NRCAM: variants seen among roughly 807,000 people sequenced by gnomAD.
NRCAM encodes the protein NgCAM-related cell adhesion molecule.
In NRCAM, 83 loss-of-function variants were observed where a neutral mutation model predicts 156.5. The ratio of observed to expected loss-of-function variants is 0.53; its 90% CI spans 0.44 to 0.64. NRCAM has a LOEUF of 0.64. NRCAM is among the 30% of genes least tolerant of loss of function. NRCAM has a pLI of 0.00. For missense variants in NRCAM, 1,417 were observed against 1,597.3 expected (o/e 0.89, Z 1.92); for synonymous variants, 538 against 563.9 (o/e 0.95, Z 0.65).
intron 3 of NRCAM, among the ~76,000 whole-genome samples, chr7:108,294,337 G>A (rs767219530): frequency 5.2e-4 from 79 of 150,990 alleles, no homozygotes; most frequent in Middle Eastern, 3.4e-3. Context: ...TAACTGCTTC[G>A]AATCTGGGGA....
At chr7:108,247,147 C>T (rs2095995020) in intron 3 of NRCAM, among the ~76,000 whole-genome samples, 1 of 152,156 alleles carries the variant, frequency 6.6e-6, no homozygotes, top group Non-Finnish European at 1.5e-5. Context: ...CTACATGCAA[C>T]AGAAGAACCA....
chr7:108,285,530 C>T (rs2098061316), intron 3 of NRCAM, among the ~76,000 whole-genome samples: 1 of 152,104 alleles, frequency 6.6e-6, no homozygotes, highest in Admixed American at 6.6e-5. Context: ...ATGGATTTCC[C>T]AAGGATAACA....
At chr7:108,248,791 G>T (rs574424159) in intron 3 of NRCAM, among the ~76,000 whole-genome samples, 40 of 152,266 alleles carry the variant, frequency 2.6e-4, no homozygotes, top group African/African-American at 9.1e-4. Flanking sequence ...AGAGAGTCTG[G>T]GAAATGCTGG....
rs75571366 is a variant in NRCAM, at chr7:108,168,289, C to T, written c.3301G>A (p.Gly1101Ser). 6.3e-7 allele frequency: 1 copy of T among 1,581,318 alleles called. No individual in the cohort carries two copies. The highest frequency in any genetic ancestry group is 1.4e-5 in the African/African-American group (1 of 73,390). Residue 1101 changes from glycine (G) to serine (S), a missense_variant, in exon 29 of 33, where the codon GGT (glycine) becomes AGT (serine). By Grantham distance (56) the Gly-to-Ser change is moderately conservative (BLOSUM62 0). Around this residue, in one of 2 missense-constraint regions of NRCAM, gnomAD observed 179 missense variants for 260.9 expected, o/e 0.69. Coordinates refer to ENST00000379028, the MANE Select transcript of NRCAM (RefSeq NM_001037132.4). Reference sequence around the variant, plus strand: ...AATTGTTTCTTACTGCCTGCTACACCATATTCAACATAAAAGTTCACATGC... The same window carrying T: ...AATTGTTTCTTACTGCCTGCTACACTATATTCAACATAAAAGTTCACATGC... ...PEHVNFYVEYGVAGSKEEWRK... is the reference protein window; with the variant it reads ...PEHVNFYVEYSVAGSKEEWRK...
At chr7:108,313,026 T>C (rs954488898) in intron 2 of NRCAM, among the ~76,000 whole-genome samples, 15 of 152,216 alleles carry the variant, frequency 9.9e-5, no homozygotes, top group African/African-American at 3.6e-4. Flanking sequence ...GGTGTTTTTG[T>C]AATGTATCTA....
chr7:108,339,742 ACGACTAATGCTCGT>A (rs2099253225), intron 2 of NRCAM, among the ~76,000 whole-genome samples: 1 of 152,180 alleles, frequency 6.6e-6, no homozygotes, highest in Non-Finnish European at 1.5e-5. Context: ...AGGACGCTCT[ACGACTAATGCTCGT>A]CGGAAAATGA....
intron 3 of NRCAM, among the ~76,000 whole-genome samples, chr7:108,297,054 C>A (rs1382192735): frequency 1.3e-5 from 2 of 152,140 alleles, no homozygotes; most frequent in Non-Finnish European, 1.5e-5. Context: ...TGTGTCAGTG[C>A]CAGGCATTAG....
chr7:108,176,758 C>T (rs911262703), intron 26 of NRCAM, 152 bp from the exon 27 acceptor site: 1 of 604,642 alleles, frequency 1.7e-6, no homozygotes, highest in Non-Finnish European at 2.9e-6. Flanking sequence ...TAAGTGATAA[C>T]CTTTTAACAG....
At chr7:108,327,976 T>C (rs1004657372) in intron 2 of NRCAM, among the ~76,000 whole-genome samples, 2 of 152,090 alleles carry the variant, frequency 1.3e-5, no homozygotes, top group African/African-American at 4.8e-5. Context: ...AATATGAAAA[T>C]GGTCTGTGAG....
intron 2 of NRCAM, among the ~76,000 whole-genome samples, chr7:108,317,884 G>A (rs369309928): frequency 1.3e-5 from 2 of 149,604 alleles, no homozygotes; most frequent in African/African-American, 2.5e-5. Context: ...ACTCTAGCCT[G>A]GGTGACAGAG....
At chr7:108,447,761 T>C (rs138671855) in intron 1 of NRCAM, among the ~76,000 whole-genome samples, 1 of 152,346 alleles carries the variant, frequency 6.6e-6, no homozygotes, top group East Asian at 1.9e-4. Context: ...TCATATTTCA[T>C]TTTTGTAAGG....
chr7:108,362,519 T>TA (rs2099563241), intron 2 of NRCAM, among the ~76,000 whole-genome samples: 1 of 152,250 alleles, frequency 6.6e-6, no homozygotes, highest in Non-Finnish European at 1.5e-5. Context: ...AATCTTAACA[T>TA]ACAGTTTGTT....
intron 13 of NRCAM, among the ~76,000 whole-genome samples, chr7:108,204,711 T>C (rs1216438366): frequency 1.3e-5 from 2 of 152,174 alleles, no homozygotes; most frequent in East Asian, 3.9e-4. Flanking sequence ...CCTGGATCTA[T>C]AGGAGCTATG....
chr7:108,192,183 T>C (rs1449650864), intron 17 of NRCAM, among the ~76,000 whole-genome samples: 1 of 151,026 alleles, frequency 6.6e-6, no homozygotes, highest in Non-Finnish European at 1.5e-5. Flanking sequence ...CTCTAGAGGG[T>C]GTGGTAGGAG....
At chr7:108,295,715 AT>A (rs1176514745) in intron 3 of NRCAM, among the ~76,000 whole-genome samples, 4 of 152,222 alleles carry the variant, frequency 2.6e-5, no homozygotes, top group Non-Finnish European at 4.4e-5. Context: ...CAAGACTCAC[AT>A]TGTCTAAGTT....
intron 2 of NRCAM, among the ~76,000 whole-genome samples, chr7:108,345,416 A>C (rs981256182): frequency 6.6e-6 from 1 of 152,250 alleles, no homozygotes; most frequent in African/African-American, 2.4e-5. Context: ...CAGGCATATC[A>C]TTACAAAATA....
chr7:108,321,117 C>T (rs2098996242), intron 2 of NRCAM, among the ~76,000 whole-genome samples: 1 of 152,156 alleles, frequency 6.6e-6, no homozygotes, highest in Non-Finnish European at 1.5e-5. Flanking sequence ...ATCTTTTAAC[C>T]ACACTGTCAT....
intron 2 of NRCAM, among the ~76,000 whole-genome samples, chr7:108,351,557 A>G (rs2099412805): frequency 6.6e-6 from 1 of 152,192 alleles, no homozygotes; most frequent in Non-Finnish European, 1.5e-5. Flanking sequence ...TGAGTATAAG[A>G]TTTGGGATAG....
At chr7:108,283,768 T>C (rs1288594910) in intron 3 of NRCAM, among the ~76,000 whole-genome samples, 3 of 152,210 alleles carry the variant, frequency 2.0e-5, no homozygotes. Flanking sequence ...ATTTTAGCTC[T>C]TGAATGTCCC....
Sources: gnomAD v4.1 joint callset for allele counts (sites outside exome capture counted in the v4.1 genomes callset) on GRCh38, gnomAD v4.1.1 for gene constraint, gnomAD v4.1.1 regional missense constraint, MANE v1.5 for transcripts, NCBI Gene and HGNC (gene_info 2026-07-23, HGNC 2026-07-21) for gene names.